PDGFA: variants seen among roughly 807,000 people sequenced by gnomAD.
The protein encoded by PDGFA is platelet derived growth factor subunit A, also known as platelet-derived growth factor subunit A.
In PDGFA, 9 loss-of-function variants were observed where a neutral mutation model predicts 25.6. The ratio of observed to expected loss-of-function variants is 0.35; its 90% CI spans 0.21 to 0.61. The LOEUF (loss-of-function observed/expected upper bound fraction) is 0.61, where lower values mean the gene tolerates loss of function less well. PDGFA is among the 20% of genes least tolerant of loss of function. PDGFA has a pLI of 0.75. For synonymous variants in PDGFA, 133 were observed against 111.8 expected, an observed-to-expected ratio of 1.19 and a Z score of -1.20; for missense variants, 242 against 272.8, an observed-to-expected ratio of 0.89 and a Z score of 0.79.
intron 4 of PDGFA, among the ~76,000 whole-genome samples, chr7:508,405 A>G (rs528959775): frequency 1.3e-5 from 2 of 151,738 alleles, no homozygotes; most frequent in Non-Finnish European, 2.9e-5. Context: ...CGACTCTGCA[A>G]AGAATTTAAA....
chr7:503,571 G>A (rs1782444316), intron 4 of PDGFA, among the ~76,000 whole-genome samples: 1 of 152,264 alleles, frequency 6.6e-6, no homozygotes, highest in African/African-American at 2.4e-5. Flanking sequence ...GGGGAAGGGG[G>A]GACTCCAGAC....
At chr7:503,377 T>C (rs957546612) in intron 4 of PDGFA, among the ~76,000 whole-genome samples, 6 of 152,092 alleles carry the variant, frequency 3.9e-5, no homozygotes, top group African/African-American at 1.4e-4. Context: ...ATGGGGAAAC[T>C]GAGGCTAGAA....
At chr7:515,903 G>A (rs1783067377) in intron 2 of PDGFA, among the ~76,000 whole-genome samples, 1 of 152,076 alleles carries the variant, frequency 6.6e-6, no homozygotes. Flanking sequence ...AATAAGAATA[G>A]TCCCAGCAGA....
exon 6 of PDGFA, chr7:497,307 C>A (rs1336094172): frequency 2.0e-5 from 3 of 151,660 alleles, no homozygotes; most frequent in Non-Finnish European, 4.4e-5. Context: ...AAAAAAAGAA[C>A]ATAGCAGGCT....
chr7:514,029 T>C (rs1782981143), intron 2 of PDGFA, among the ~76,000 whole-genome samples: 1 of 152,226 alleles, frequency 6.6e-6, no homozygotes, highest in Non-Finnish European at 1.5e-5. Context: ...GTGGTGGCCA[T>C]CTTGCCATGG....
At chr7:506,322 C>T (rs1046583036) in intron 4 of PDGFA, among the ~76,000 whole-genome samples, 1 of 152,090 alleles carries the variant, frequency 6.6e-6, no homozygotes, top group Non-Finnish European at 1.5e-5. Context: ...TTCAGCACTG[C>T]CCCCATATCC....
At chr7:499,793 T>C (rs13309036) in intron 5 of PDGFA, among the ~76,000 whole-genome samples, 44,511 of 143,482 alleles carry the variant, frequency 0.31, 7,430 homozygotes, top group Middle Eastern at 0.46. Context: ...AGCAGCCACC[T>C]TGGGCCATGA....
At chr7:512,614 G>C in intron 2 of PDGFA, 159 bp from the exon 3 acceptor site, 1 of 1,538,278 alleles carries the variant, frequency 6.5e-7, no homozygotes, top group African/African-American at 1.4e-5. Flanking sequence ...GGCCCTCCAG[G>C]AGAACCTCGA....
At chr7:506,645 A>G (rs1017354874) in intron 4 of PDGFA, among the ~76,000 whole-genome samples, 8 of 152,146 alleles carry the variant, frequency 5.3e-5, no homozygotes, top group Non-Finnish European at 7.3e-5. Context: ...CCCATGGTCC[A>G]CGTTCAGGCC....
At chr7:504,327 A>C (rs563365450) in intron 4 of PDGFA, among the ~76,000 whole-genome samples, 3 of 152,160 alleles carry the variant, frequency 2.0e-5, no homozygotes, top group African/African-American at 7.2e-5. Flanking sequence ...ACTGCAGCAA[A>C]GCCCCAAGAG....
At chr7:501,423 C>T (rs1782336654) in intron 4 of PDGFA, among the ~76,000 whole-genome samples, 181 bp from the exon 5 acceptor site, 1 of 152,140 alleles carries the variant, frequency 6.6e-6, no homozygotes, top group Non-Finnish European at 1.5e-5. Context: ...CTACAAGCTG[C>T]AGTGCAGTTT....
chr7:519,912 CCG>C (rs1562495882), upstream of PDGFA: 2 of 37,834 alleles, frequency 5.3e-5, no homozygotes, highest in Admixed American at 1.7e-4. Context: ...GCCCCCGCCC[CCG>C]CCCCCCCCCC....
exon 6 of PDGFA, chr7:497,943 A>AAAAC (rs1782134999): frequency 2.5e-5 from 3 of 118,806 alleles, no homozygotes; most frequent in Non-Finnish European, 5.3e-5. Flanking sequence ...ATGGTGTAAA[A>AAAAC]AAAAAAAAAA....
exon 6 of PDGFA, chr7:498,429 C>T (rs750535326): frequency 1.9e-4 from 153 of 805,872 alleles, no homozygotes; most frequent in Non-Finnish European, 2.9e-4. Context: ...TTTGTTCTCC[C>T]GAGTGTTCTC....
intron 1 of PDGFA, 77 bp downstream of exon 1, chr7:518,862 G>A: frequency 1.0e-6 from 1 of 964,760 alleles, no homozygotes; most frequent in Non-Finnish European, 1.5e-6. Context: ...TCTCTGCAGA[G>A]CCCGTGGCGC....
intron 1 of PDGFA, among the ~76,000 whole-genome samples, 184 bp downstream of exon 1, chr7:518,754 AC>A (rs991671924): frequency 1.3e-5 from 2 of 152,216 alleles, no homozygotes; most frequent in African/African-American, 4.8e-5. Context: ...GACCGACGCA[AC>A]ACGCTGGAAA....
chr7:515,294 C>T lies in PDGFA; in HGVS notation c.160+2100G>A, dbSNP rs140032329. ...CCTGCCCCTAACAGACCAGAAGCACCTCTGGATTGAAAAGGGAGTCCAGGA... is the reference window on the plus strand; with the variant it reads ...CCTGCCCCTAACAGACCAGAAGCACTTCTGGATTGAAAAGGGAGTCCAGGA... On this transcript the variant is annotated intron_variant, in intron 2 of 5. Coordinates refer to ENST00000402802, the Ensembl canonical transcript of PDGFA. Among the ~76,000 whole-genome samples, 1,389 of 152,274 alleles carry T rather than the reference C, an allele frequency of 9.1e-3. 19 individuals carry two copies. Among genetic ancestry groups the T allele is most frequent in the African/African-American group, 0.032 (1,333 of 41,546 alleles).
At chr7:514,729 G>A (rs1373059711) in intron 2 of PDGFA, among the ~76,000 whole-genome samples, 1 of 152,234 alleles carries the variant, frequency 6.6e-6, no homozygotes, top group Non-Finnish European at 1.5e-5. Context: ...CGGGCGCCAG[G>A]CCAGACCACT....
exon 6 of PDGFA, chr7:497,468 C>T (rs1039955544): frequency 1.3e-5 from 2 of 152,130 alleles, no homozygotes; most frequent in Admixed American, 1.3e-4. Context: ...ACACTGGCAG[C>T]AGAGGGAGTG....
Sources: allele counts gnomAD v4.1 joint callset (sites outside exome capture counted in the v4.1 genomes callset), GRCh38; gene constraint gnomAD v4.1.1; transcripts MANE v1.5; gene names NCBI Gene and HGNC (gene_info 2026-07-23, HGNC 2026-07-21).